ANKRD11: variants seen among roughly 807,000 people sequenced by gnomAD.
ANKRD11 encodes the protein ankyrin repeat domain 11, also known as ankyrin repeat domain-containing protein 11.
A neutral mutation model predicts 195.7 loss-of-function variants in ANKRD11; 17 were observed. That is an observed-to-expected ratio of 0.09 (90% CI 0.06 to 0.13). The LOEUF (loss-of-function observed/expected upper bound fraction) is 0.13, where lower values mean the gene tolerates loss of function less well. ANKRD11 is among the 10% of genes least tolerant of loss of function. The pLI is 1.00. For missense variants in ANKRD11, 3,735 were observed against 3,566.1 expected (o/e 1.05, Z -1.21); for synonymous variants, 1,953 against 1,528.1 (o/e 1.28, Z -6.49).
chr16:89,338,987 G>A (rs949574673), intron 2 of ANKRD11, among the ~76,000 whole-genome samples: 1 of 152,090 alleles, frequency 6.6e-6, no homozygotes, highest in East Asian at 1.9e-4. Flanking sequence ...AGTCACCACC[G>A]AGGGCCTCAC....
chr16:89,481,430 G>A (rs778388091), intron 1 of ANKRD11, among the ~76,000 whole-genome samples: 8 of 152,100 alleles, frequency 5.3e-5, no homozygotes, highest in African/African-American at 1.2e-4. Flanking sequence ...ATTAGCGCAC[G>A]TCTGTAGTTC....
intron 2 of ANKRD11, among the ~76,000 whole-genome samples, chr16:89,376,332 T>C (rs1185829553): frequency 1.3e-5 from 2 of 152,186 alleles, no homozygotes; most frequent in Non-Finnish European, 2.9e-5. Context: ...TTTAACAATG[T>C]CAAGATAACA....
chr16:89,384,538 C>CGGGA (rs1555561208), intron 2 of ANKRD11, among the ~76,000 whole-genome samples: 1 of 148,224 alleles, frequency 6.7e-6, no homozygotes, highest in African/African-American at 2.5e-5. Flanking sequence ...TGGGATGGGA[C>CGGGA]TGGGATGGGA....
intron 4 of ANKRD11, among the ~76,000 whole-genome samples, chr16:89,303,802 C>G (rs958247179): frequency 1.3e-5 from 2 of 152,210 alleles, no homozygotes; most frequent in Non-Finnish European, 2.9e-5. Flanking sequence ...CTGACAAAAG[C>G]TGGGGTGTGG....
chr16:89,275,863 C>T (rs1009229058), intron 9 of ANKRD11, among the ~76,000 whole-genome samples: 1 of 152,190 alleles, frequency 6.6e-6, no homozygotes, highest in Admixed American at 6.5e-5. Flanking sequence ...GATGAGGCCT[C>T]ACACTCTTGG....
In ANKRD11 at chr16:89,283,565, A is replaced by G. The variant is rs2034434186; in HGVS notation, c.2977T>C (p.Phe993Leu). ...SGFKDKSDGD[F>L]GKGLEPWERH... ...TCCCACGGCTCCAGGCCCTTCCCAAAGTCGCCGTCGGACTTGTCCTTGAAG... is the reference window on the plus strand; with the variant it reads ...TCCCACGGCTCCAGGCCCTTCCCAAGGTCGCCGTCGGACTTGTCCTTGAAG... Residue 993 changes from phenylalanine to leucine, a missense_variant, in exon 9 of 13, where the codon TTT (phenylalanine) becomes CTT (leucine). Physicochemically the swap from Phe to Leu is conservative, Grantham distance 22 (BLOSUM62 0). Transcript: ENST00000301030. The surrounding 1 kb of genome is among the most constrained non-coding windows in gnomAD (Gnocchi z 4.3). 6.2e-7 allele frequency: 1 copy of G among 1,611,236 alleles called. No individual in the cohort carries two copies. Among genetic ancestry groups the G allele is most frequent in the Non-Finnish European group, 8.5e-7 (1 of 1,179,986 alleles).
chr16:89,462,043 TCTCCCC>T (rs2056690530), intron 1 of ANKRD11, among the ~76,000 whole-genome samples: 5 of 82,104 alleles, frequency 6.1e-5, no homozygotes, highest in East Asian at 1.0e-3. Flanking sequence ...CCCCTCTCCC[TCTCCCC>T]CTCTCCCTCT....
At position 89,337,429 on chromosome 16, in the gene ANKRD11, CTTTTT is replaced by C. The variant is rs1165680827; in HGVS notation, c.-59-20356_-59-20352del. On this transcript the variant is annotated intron_variant, in intron 2 of 12. Coordinates refer to ENST00000301030, the MANE Select transcript of ANKRD11 (RefSeq NM_013275.6). ...ATACATGAACATGGTCTAAGCAATTCTTTTTTTTTTTTTTTTTTTTTTTTTTTGAG... is the reference window on the plus strand; with the variant it reads ...ATACATGAACATGGTCTAAGCAATTCTTTTTTTTTTTTTTTTTTTTTTGAG... 4.0e-4 allele frequency among the ~76,000 whole-genome samples: 21 copies of C among 53,134 alleles called. No individual in the cohort carries two copies. In the South Asian group the frequency reaches 7.3e-3, roughly 19 times the overall value. 34.9% of individuals were successfully genotyped at this position (53,134 alleles called of 152,430 possible).
intron 2 of ANKRD11, among the ~76,000 whole-genome samples, chr16:89,331,827 TG>T: frequency 1.3e-5 from 2 of 152,316 alleles, no homozygotes; most frequent in South Asian, 4.1e-4. Context: ...GATACGGTGA[TG>T]GTTTTGAATG....
chr16:89,341,687 C>A (rs1334557674), intron 2 of ANKRD11, among the ~76,000 whole-genome samples: 1 of 152,254 alleles, frequency 6.6e-6, no homozygotes, highest in East Asian at 1.9e-4. Flanking sequence ...AATCCCCTCA[C>A]ACACCTATTC....
chr16:89,302,956 G>A (rs902862300), intron 4 of ANKRD11, among the ~76,000 whole-genome samples: 9 of 152,126 alleles, frequency 5.9e-5, no homozygotes, highest in Admixed American at 2.0e-4. Flanking sequence ...GGGCCAGCAC[G>A]GCTGGCACCA....
At chr16:89,394,930 A>T (rs909262795) in intron 2 of ANKRD11, among the ~76,000 whole-genome samples, 1 of 152,244 alleles carries the variant, frequency 6.6e-6, no homozygotes, top group Non-Finnish European at 1.5e-5. Context: ...CAGAGGCGAC[A>T]GTTTTTCCAA....
intron 2 of ANKRD11, among the ~76,000 whole-genome samples, chr16:89,387,739 G>T (rs1274525423): frequency 6.8e-6 from 1 of 147,930 alleles, no homozygotes; most frequent in Non-Finnish European, 1.5e-5. Context: ...ACGGTAGCTT[G>T]CGCCTGTAAT....
chr16:89,480,899 C>T (rs1171251312), intron 1 of ANKRD11, among the ~76,000 whole-genome samples: 1 of 152,186 alleles, frequency 6.6e-6, no homozygotes, highest in Non-Finnish European at 1.5e-5. Context: ...TTCCTTTCCT[C>T]AACTGAGATG....
rs544337446 is a variant in ANKRD11 at position 89,328,521 on chromosome 16, T to C, written c.-59-11443A>G. Among the ~76,000 whole-genome samples the C allele has an allele frequency of 8.5e-5, 13 of 152,342 alleles. No homozygotes were observed. In the East Asian group the frequency reaches 2.5e-3, roughly 29 times the overall value. On this transcript the variant is annotated intron_variant, in intron 2 of 12. Coordinates refer to ENST00000301030, the MANE Select transcript of ANKRD11 (RefSeq NM_013275.6). ...CCCTCAGCAGTAAAAGGGATGGCTA[T>C]GGATACACCCAAGCGTATGGGTGAA...
chr16:89,335,945 C>T (rs2038330072), intron 2 of ANKRD11, among the ~76,000 whole-genome samples: 2 of 152,240 alleles, frequency 1.3e-5, no homozygotes, highest in Admixed American at 6.5e-5. Context: ...CCGCCGCAAA[C>T]ATGACCGTGC....
At chr16:89,478,483 T>C (rs375439656) in intron 1 of ANKRD11, among the ~76,000 whole-genome samples, 51 of 152,282 alleles carry the variant, frequency 3.3e-4, no homozygotes, top group African/African-American at 1.0e-3. Flanking sequence ...AACTCATTAC[T>C]TTCCAAAGAG....
Position 89,281,625 on chromosome 16 carries a change from A to G in ANKRD11, c.4917T>C (p.Ala1639=). The G allele has an allele frequency of 6.2e-7, 1 of 1,614,118 alleles. No homozygotes were observed. Among genetic ancestry groups the G allele is most frequent in the Non-Finnish European group, 8.5e-7 (1 of 1,180,022 alleles). ...DGRKKGLDIP[A]KKPPGLDPPF... is the part of the protein sequence containing the mutation. ...GAGGGTCCAGCCCCGGCGGTTTCTT[A>G]GCAGGAATGTCCAGACCCTTCTTCC... Residue 1639 remains alanine (A), a synonymous_variant, in exon 9 of 13, where the codon GCT becomes GCC. Coordinates refer to ENST00000301030, the MANE Select transcript of ANKRD11 (RefSeq NM_013275.6). The surrounding 1 kb of genome is among the most constrained non-coding windows in gnomAD (Gnocchi z 5.5).
chr16:89,445,992 A>T (rs979300807), intron 1 of ANKRD11, among the ~76,000 whole-genome samples: 114 of 146,872 alleles, frequency 7.8e-4, no homozygotes, highest in South Asian at 2.2e-3. Context: ...AAAAAAAAAA[A>T]TTTTTTGTTA....
Sources: gnomAD v4.1 joint callset for allele counts (sites outside exome capture counted in the v4.1 genomes callset) on GRCh38, gnomAD v4.1.1 for gene constraint, Gnocchi (gnomAD v3.1) non-coding constraint, MANE v1.5 for transcripts, NCBI Gene and HGNC (gene_info 2026-07-23, HGNC 2026-07-21) for gene names.